ADORA1: variants seen among roughly 807,000 people sequenced by gnomAD.
ADORA1 encodes the protein adenosine receptor A1.
In ADORA1, 6 loss-of-function variants were observed where a neutral mutation model predicts 19.9. The observed-to-expected ratio is 0.30, with a 90% CI of 0.17 to 0.59. The LOEUF is 0.59. Among genes scored for constraint, ADORA1 ranks in the 20% least tolerant of loss-of-function variants. The pLI, the probability that ADORA1 is intolerant of heterozygous loss-of-function variation, is 0.87. For synonymous variants in ADORA1, 194 were observed against 188.4 expected (o/e 1.03, Z -0.24); for missense variants, 302 against 439.2 (o/e 0.69, Z 2.79).
chr1:203,142,182 G>A (rs561537713), intron 3 of ADORA1, among the ~76,000 whole-genome samples: 62 of 152,322 alleles, frequency 4.1e-4, no homozygotes, highest in Non-Finnish European at 7.2e-4. Context: ...CTCCATAAGT[G>A]GGGCTGTTAC....
chr1:203,129,364 G>A, intron 3 of ADORA1, 182 bp downstream of exon 3: 1 of 862,684 alleles, frequency 1.2e-6, no homozygotes, highest in South Asian at 5.3e-5. Flanking sequence ...AAACAGGAGG[G>A]GGATGGGTGG....
At chr1:203,131,463 TTGGCCAGGTTTAC>T (rs1654329360) in intron 3 of ADORA1, among the ~76,000 whole-genome samples, 1 of 152,192 alleles carries the variant, frequency 6.6e-6, no homozygotes, top group African/African-American at 2.4e-5. Context: ...GTTGATTGAA[TTGGCCAGGTTTAC>T]GGAACACACA....
chr1:203,165,714 G>A lies in ADORA1; in HGVS notation c.795G>A (p.Lys265=), dbSNP rs199760746. Residue 265 remains lysine (K), a synonymous_variant, in exon 4 of 4, where the codon AAG becomes AAA. Transcript: ENST00000337894. This position sits in a 1 kb window ranked among gnomAD's most constrained non-coding sequence, Gnocchi z 5.9. The part of the protein sequence containing the change: ...CITLFCPSCH[K]PSILTYIAIF... The stretch of plus-strand genomic sequence containing the variant: ...CCCTCTTCTGCCCGTCCTGCCACAA[G>A]CCCAGCATCCTTACCTACATTGCCA... 11 of 1,612,454 alleles carry A rather than the reference G, an allele frequency of 6.8e-6. No homozygotes were observed. Among genetic ancestry groups the A allele is most frequent in the Non-Finnish European group, 9.3e-6 (11 of 1,178,944 alleles).
chr1:203,139,273 G>A (rs1423795205), intron 3 of ADORA1, among the ~76,000 whole-genome samples: 1 of 152,212 alleles, frequency 6.6e-6, no homozygotes, highest in African/African-American at 2.4e-5. Context: ...GGAGAGACAG[G>A]CTTTAGACGG....
At chr1:203,163,497 C>A (rs1456072819) in intron 3 of ADORA1, among the ~76,000 whole-genome samples, 1 of 152,152 alleles carries the variant, frequency 6.6e-6, no homozygotes, top group East Asian at 1.9e-4. Flanking sequence ...CACTGGTCAC[C>A]TCTCAAGGCC....
chr1:203,164,666 G>A (rs927089368), intron 3 of ADORA1, among the ~76,000 whole-genome samples: 2 of 152,164 alleles, frequency 1.3e-5, no homozygotes, highest in Non-Finnish European at 2.9e-5. Flanking sequence ...CAAGGGAAGG[G>A]GGGTTGTGTG....
At chr1:203,160,863 G>A (rs536939892) in intron 3 of ADORA1, among the ~76,000 whole-genome samples, 43 of 152,210 alleles carry the variant, frequency 2.8e-4, no homozygotes, top group East Asian at 1.5e-3. Flanking sequence ...AAATGTTAGC[G>A]CTTACCAGCA....
chr1:203,139,312 G>A (rs904582680), intron 3 of ADORA1, among the ~76,000 whole-genome samples: 3 of 152,198 alleles, frequency 2.0e-5, no homozygotes, highest in South Asian at 2.1e-4. Context: ...GTGGCAACAT[G>A]CGGCATCTGT....
chr1:203,153,834 G>T (rs1655111606), intron 3 of ADORA1, among the ~76,000 whole-genome samples: 1 of 152,308 alleles, frequency 6.6e-6, no homozygotes, highest in African/African-American at 2.4e-5. Context: ...ACAGGAAGTA[G>T]TTTAATAGTC....
At chr1:203,151,021 C>T (rs1655015033) in intron 3 of ADORA1, among the ~76,000 whole-genome samples, 1 of 152,208 alleles carries the variant, frequency 6.6e-6, no homozygotes, top group African/African-American at 2.4e-5. Context: ...CAGCGGGTGC[C>T]TTTGGGCTGA....
Position 203,142,969 on chromosome 1 carries a change from G to A in ADORA1, c.341+13787G>A, listed in dbSNP as rs148030620. 2.2e-3 allele frequency among the ~76,000 whole-genome samples: 329 copies of A among 152,266 alleles called. 1 individual carries two copies. Among genetic ancestry groups the A allele is most frequent in the African/African-American group, 7.2e-3 (300 of 41,552 alleles). ...ACACAACACCCCCACTCACCATTAC[G>A]GTCCCCTGGGGCCATAACTGGGAGA... On this transcript the variant is annotated intron_variant, in intron 3 of 3. Transcript: ENST00000337894.
At position 203,165,477 on chromosome 1, in the gene ADORA1, T is replaced by C. The variant is rs937429758; in HGVS notation, c.558T>C (p.Phe186=). ...AGTACATGGTCTACTTCAACTTCTT[T>C]GTGTGGGTGCTGCCCCCGCTTCTCC... ...SMEYMVYFNF[F]VWVLPPLLLM... The change falls in exon 4 of 4, where the codon TTT becomes TTC. Residue 186 remains phenylalanine, a synonymous_variant. Transcript: ENST00000337894. The surrounding 1 kb of genome is among the most constrained non-coding windows in gnomAD (Gnocchi z 5.9). 1.9e-6 allele frequency: 3 copies of C among 1,613,458 alleles called. No homozygotes were observed. The highest frequency in any genetic ancestry group is 2.5e-6 in the Non-Finnish European group (3 of 1,179,566).
intron 3 of ADORA1, among the ~76,000 whole-genome samples, chr1:203,141,254 C>A (rs1212671984): frequency 6.6e-6 from 1 of 152,222 alleles, no homozygotes; most frequent in African/African-American, 2.4e-5. Context: ...AAATCATCTC[C>A]TTTTGCCTCA....
In ADORA1 at chr1:203,166,168, C is replaced by T; in HGVS notation, c.*268C>T. 1 of 368,340 alleles carries T rather than the reference C, an allele frequency of 2.7e-6. No individual in the cohort carries two copies. 22.8% of individuals were successfully genotyped at this position (368,340 alleles called of 1,614,324 possible). On this transcript the variant is annotated 3_prime_UTR_variant, in exon 4 of 4. Coordinates refer to ENST00000337894, the MANE Select transcript of ADORA1 (RefSeq NM_000674.3). ...GAGGCAACAGTGTTCTGAGCCCCCACCTGCCTGACCATCCCATGAGCAGTC... is the reference window on the plus strand; with the variant it reads ...GAGGCAACAGTGTTCTGAGCCCCCATCTGCCTGACCATCCCATGAGCAGTC...
At chr1:203,152,011 C>T (rs978753478) in intron 3 of ADORA1, among the ~76,000 whole-genome samples, 3 of 152,202 alleles carry the variant, frequency 2.0e-5, no homozygotes, top group African/African-American at 7.2e-5. Flanking sequence ...GCCCCTCCCT[C>T]CTTTCTGCTA....
At chr1:203,161,098 A>C (rs756653245) in intron 3 of ADORA1, among the ~76,000 whole-genome samples, 2 of 152,134 alleles carry the variant, frequency 1.3e-5, no homozygotes, top group Non-Finnish European at 2.9e-5. Flanking sequence ...TATGATATGA[A>C]ATCCTTTTCT....
chr1:203,135,849 C>T (rs1341608992), intron 3 of ADORA1, among the ~76,000 whole-genome samples: 1 of 152,130 alleles, frequency 6.6e-6, no homozygotes, highest in Non-Finnish European at 1.5e-5. Flanking sequence ...TCTCCCTTCT[C>T]CCTCCCCAAT....
At chr1:203,139,259 A>C (rs1216409869) in intron 3 of ADORA1, among the ~76,000 whole-genome samples, 1 of 152,214 alleles carries the variant, frequency 6.6e-6, no homozygotes, top group Admixed American at 6.5e-5. Flanking sequence ...AGTGGGACAT[A>C]CGTGGAGAGA....
intron 3 of ADORA1, among the ~76,000 whole-genome samples, chr1:203,135,686 A>G (rs530466059): frequency 6.6e-6 from 1 of 152,256 alleles, no homozygotes; most frequent in Admixed American, 6.5e-5. Context: ...TGAAATTATA[A>G]AATCAAACAA....
Sources: allele counts gnomAD v4.1 joint callset (sites outside exome capture counted in the v4.1 genomes callset), GRCh38; gene constraint gnomAD v4.1.1; non-coding constraint Gnocchi (gnomAD v3.1); transcripts MANE v1.5; gene names NCBI Gene and HGNC (gene_info 2026-07-23, HGNC 2026-07-21).